The following SYNCRIP variants were observed in gnomAD, a reference collection of about 807,000 sequenced individuals.
The protein encoded by SYNCRIP is heterogeneous nuclear ribonucleoprotein Q.
Under a neutral mutation model 68.9 loss-of-function variants are expected in SYNCRIP, and 9 were observed. The observed-to-expected ratio is 0.13, with a 90% CI of 0.08 to 0.23. The LOEUF is 0.23. Ranked by LOEUF, SYNCRIP falls within the 10% of genes least tolerant of loss-of-function variation. SYNCRIP has a pLI of 1.00. For synonymous variants in SYNCRIP, 258 were observed against 254.0 expected (o/e 1.02, Z -0.15); for missense variants, 414 against 770.6 (o/e 0.54, Z 5.48).
At chr6:85,620,187 A>G (rs1806230202) in intron 8 of SYNCRIP, among the ~76,000 whole-genome samples, 1 of 152,230 alleles carries the variant, frequency 6.6e-6, no homozygotes, top group Admixed American at 6.5e-5. Context: ...CAGAGGTTGC[A>G]GTAAGCCGAG....
chr6:85,630,235 G>A (rs990670553), intron 6 of SYNCRIP, among the ~76,000 whole-genome samples: 1 of 151,670 alleles, frequency 6.6e-6, no homozygotes, highest in Non-Finnish European at 1.5e-5. Flanking sequence ...GGTGGCAGGC[G>A]CCTGTAGTCC....
intron 8 of SYNCRIP, 40 bp downstream of exon 8, chr6:85,622,442 T>A: frequency 4.3e-5 from 55 of 1,292,080 alleles, no homozygotes; most frequent in Non-Finnish European, 5.1e-5. Context: ...CCTTCTCCCA[T>A]TAATCCCTCA....
downstream of SYNCRIP, chr6:85,610,632 T>TA (rs1805166402): frequency 6.6e-6 from 1 of 151,994 alleles, no homozygotes; most frequent in Non-Finnish European, 1.5e-5. Flanking sequence ...TCTGAGAACT[T>TA]AAACACCTTG....
At chr6:85,611,697 G>A (rs993485255), downstream of SYNCRIP, 1 of 152,328 alleles carries the variant, frequency 6.6e-6, no homozygotes. Flanking sequence ...TAAAAACATA[G>A]CACAAATGAT....
rs147197492 is a variant in SYNCRIP at position 85,614,829 on chromosome 6, T to C, written c.1799A>G (p.His600Arg). ...IAQQPLQGGD[H>R]SGNYGYKSEN... ...AGATTTGTAACCATAGTTACCAGAA[T>C]GATCACCACCTTGGAGCGGTTGCTG... The change falls in exon 11 of 11, where the codon CAT (histidine) becomes CGT (arginine). Residue 600 changes from histidine to arginine, a missense_variant. By Grantham distance (29) the His-to-Arg change is conservative (BLOSUM62 0). Transcript: ENST00000369622. The C allele has an allele frequency of 6.2e-7, 1 of 1,613,642 alleles. No homozygotes were observed. Among genetic ancestry groups the C allele is most frequent in the African/African-American group, 1.3e-5 (1 of 74,890 alleles).
At chr6:85,638,649 A>G (rs1808765385) in intron 4 of SYNCRIP, among the ~76,000 whole-genome samples, 2 of 152,162 alleles carry the variant, frequency 1.3e-5, no homozygotes, top group South Asian at 2.1e-4. Flanking sequence ...CTCAAAGGAC[A>G]CTAACTGTTT....
chr6:85,608,726 T>A (rs775921872), exon 12 of SYNCRIP: 1 of 152,104 alleles, frequency 6.6e-6, no homozygotes, highest in African/African-American at 2.4e-5. Context: ...CTACTGTTAA[T>A]ATTAAAAACC....
At chr6:85,613,880 G>A (rs912846136), downstream of SYNCRIP, 15 of 760,180 alleles carry the variant, frequency 2.0e-5, no homozygotes, top group African/African-American at 2.7e-4. Flanking sequence ...GGACTTGTCA[G>A]TGTGACCTGC....
At position 85,614,074 on chromosome 6, in the gene SYNCRIP, T is replaced by C; in HGVS notation, c.*682A>G. 2.0e-6 allele frequency: 2 copies of C among 985,874 alleles called. No individual in the cohort carries two copies. Among genetic ancestry groups the C allele is most frequent in the Non-Finnish European group, 2.4e-6 (2 of 829,934 alleles). The allele number at this position is 985,874 out of a possible 1,614,324, so 61.1% of individuals were successfully genotyped here. ...GCAGAAAACTGCAATAAATCAGTGT[T>C]GTGTAATGTGCAGACATATTCCACA... is the stretch of plus-strand genomic sequence containing the variant. On this transcript the variant is annotated 3_prime_UTR_variant, in exon 11 of 11. Coordinates refer to ENST00000369622, the MANE Select transcript of SYNCRIP (RefSeq NM_006372.5).
rs148936294 is a variant in SYNCRIP, at chr6:85,631,893, T to C, written c.666+5074A>G. Among the ~76,000 whole-genome samples the C allele has an allele frequency of 7.8e-3, 1,183 of 152,344 alleles. 13 individuals carry two copies. Among genetic ancestry groups the C allele is most frequent in the African/African-American group, 0.027 (1,142 of 41,584 alleles). On this transcript the variant is annotated intron_variant, in intron 6 of 10. Coordinates refer to ENST00000369622, the MANE Select transcript of SYNCRIP (RefSeq NM_006372.5). The stretch of plus-strand genomic sequence containing the variant: ...GAGGCTGAATTTAAAGGTGATAACG[T>C]AGCATCTAACAAAGCTCCTGTCCCT...
At chr6:85,613,874 T>C (rs548744691), downstream of SYNCRIP, 5 of 693,486 alleles carry the variant, frequency 7.2e-6, no homozygotes, top group African/African-American at 9.7e-5. Flanking sequence ...GAAAGTGGAC[T>C]TGTCAGTGTG....
At position 85,622,707 on chromosome 6, in the gene SYNCRIP, C is replaced by T. The variant is rs1344814494; in HGVS notation, c.803-20G>A. 1 of 1,598,094 alleles carries T rather than the reference C, an allele frequency of 6.3e-7. No individual in the cohort carries two copies. Among genetic ancestry groups the T allele is most frequent in the Non-Finnish European group, 8.6e-7 (1 of 1,166,608 alleles). On this transcript the variant is annotated intron_variant, in intron 7 of 10. Coordinates refer to ENST00000369622, the MANE Select transcript of SYNCRIP (RefSeq NM_006372.5). ...GACCCTCTGCAAGTAAGCAACCATT[C>T]CAGGAAAATTAGATGAAATAACTAG... is the stretch of plus-strand genomic sequence containing the variant.
intron 4 of SYNCRIP, among the ~76,000 whole-genome samples, chr6:85,639,436 T>C (rs1808868958): frequency 6.6e-6 from 1 of 152,192 alleles, no homozygotes; most frequent in Non-Finnish European, 1.5e-5. Flanking sequence ...AAGCCTCCAA[T>C]TCATGGTTGT....
intron 6 of SYNCRIP, among the ~76,000 whole-genome samples, chr6:85,634,882 C>A (rs1393792567): frequency 6.6e-6 from 1 of 152,132 alleles, no homozygotes; most frequent in Non-Finnish European, 1.5e-5. Flanking sequence ...GAGTTCAAGA[C>A]CAACCTGCCA....
chr6:85,613,938 T>C (rs1040421269), downstream of SYNCRIP: 2 of 972,384 alleles, frequency 2.1e-6, no homozygotes, highest in African/African-American at 3.5e-5. Flanking sequence ...AGTTCATTCA[T>C]CACAATTAAG....
chr6:85,620,015 G>A (rs931830598), intron 8 of SYNCRIP, among the ~76,000 whole-genome samples: 2 of 152,198 alleles, frequency 1.3e-5, no homozygotes, highest in Non-Finnish European at 2.9e-5. Flanking sequence ...GGGAGGCTGA[G>A]GCGGGCAGAT....
At chr6:85,627,169 G>A (rs1159913685) in intron 6 of SYNCRIP, among the ~76,000 whole-genome samples, 2 of 151,424 alleles carry the variant, frequency 1.3e-5, no homozygotes, top group Admixed American at 6.6e-5. Flanking sequence ...TCGGGAGGCT[G>A]AGGCAGGAGA....
intron 6 of SYNCRIP, among the ~76,000 whole-genome samples, chr6:85,631,355 AG>A (rs1807760554): frequency 6.6e-6 from 1 of 150,906 alleles, no homozygotes; most frequent in African/African-American, 2.4e-5. Context: ...AAAAAAAAAA[AG>A]GCCATGGCTT....
At chr6:85,635,407 A>G (rs966549681) in intron 6 of SYNCRIP, among the ~76,000 whole-genome samples, 1 of 152,188 alleles carries the variant, frequency 6.6e-6, no homozygotes, top group Non-Finnish European at 1.5e-5. Context: ...AAGTAACATA[A>G]TTTTGTACTG....
Sources: allele counts gnomAD v4.1 joint callset (sites outside exome capture counted in the v4.1 genomes callset), GRCh38; gene constraint gnomAD v4.1.1; transcripts MANE v1.5; gene names NCBI Gene and HGNC (gene_info 2026-07-23, HGNC 2026-07-21).